The following HDAC2 variants were observed in gnomAD, a reference collection of about 807,000 sequenced individuals.
The protein encoded by HDAC2 is histone deacetylase 2.
Under a neutral mutation model 68.5 loss-of-function variants are expected in HDAC2, and 5 were observed. The ratio of observed to expected loss-of-function variants is 0.07; its 90% confidence interval spans 0.04 to 0.15. The LOEUF is 0.15. HDAC2 is among the 10% of genes least tolerant of loss of function. The pLI is 1.00. For synonymous variants in HDAC2, 182 were observed against 191.3 expected (o/e 0.95, Z 0.40); for missense variants, 291 against 600.8 (o/e 0.48, Z 5.39).
rs534349845 is a variant in HDAC2, at chr6:113,944,700, C to G, written c.1092-290G>C. On this transcript the variant is annotated intron_variant, in intron 10 of 13. Transcript: ENST00000519065. ...TTGCAGACAAGGTCTCACTATATGG[C>G]CCAGGCTGGTCACAAACTACTGGTC... is the stretch of plus-strand genomic sequence containing the variant. 7.3e-4 allele frequency among the ~76,000 whole-genome samples: 111 copies of G among 152,188 alleles called. 1 individual carries two copies. Among genetic ancestry groups the G allele is most frequent in the Middle Eastern group, 6.8e-3 (2 of 294 alleles).
At position 113,937,873 on chromosome 6, in the gene HDAC2, T is replaced by A. The variant is rs1233322059; in HGVS notation, c.*3185A>T. 6.6e-6 allele frequency: 1 copy of A among 152,120 alleles called. No homozygotes were observed. Among genetic ancestry groups the A allele is most frequent in the Non-Finnish European group, 1.5e-5 (1 of 68,066 alleles). 9.4% of individuals were successfully genotyped at this position (152,120 alleles called of 1,614,324 possible). The stretch of plus-strand genomic sequence containing the variant: ...TAAAAAAAAGAGATAAACAGCCAGG[T>A]GCGGCAGCTCACACCTGTAATCCCA... On this transcript the variant is annotated 3_prime_UTR_variant, in exon 14 of 14. Coordinates refer to ENST00000519065, the MANE Select transcript of HDAC2 (RefSeq NM_001527.4).
At chr6:113,947,457 T>C (rs1776289718) in intron 8 of HDAC2, 1 of 152,192 alleles carries the variant, frequency 6.6e-6, no homozygotes, top group South Asian at 2.1e-4. Context: ...CAAATATCCT[T>C]ACACGCTTTA....
At chr6:113,965,688 C>A (rs1933387372) in intron 1 of HDAC2, among the ~76,000 whole-genome samples, 1 of 152,102 alleles carries the variant, frequency 6.6e-6, no homozygotes, top group Non-Finnish European at 1.5e-5. Flanking sequence ...TTACTTTATA[C>A]CTGCAGTCTT....
Position 113,940,361 on chromosome 6 carries a change from C to T in HDAC2, c.*697G>A, listed in dbSNP as rs1285066174. On this transcript the variant is annotated 3_prime_UTR_variant, in exon 14 of 14. Transcript: ENST00000519065. ...TAGGCAAGTCTGGTCAATACAAGTT[C>T]TGGTCAGTTTCTTCTTTCAATTCAG... 2 of 152,160 alleles carry T rather than the reference C, an allele frequency of 1.3e-5. No individual in the cohort carries two copies. The highest frequency in any genetic ancestry group is 4.8e-5 in the African/African-American group (2 of 41,442). 9.4% of individuals were successfully genotyped at this position (152,160 alleles called of 1,614,324 possible).
At position 113,938,610 on chromosome 6, in the gene HDAC2, C is replaced by T. The variant is rs1316912588; in HGVS notation, c.*2448G>A. The T allele has an allele frequency of 6.6e-6, 1 of 152,142 alleles. No homozygotes were observed. Among genetic ancestry groups the T allele is most frequent in the African/African-American group, 2.4e-5 (1 of 41,456 alleles). 9.4% of individuals were successfully genotyped at this position (152,142 alleles called of 1,614,324 possible). A position where few individuals can be genotyped will look rare whatever the true frequency, so the allele number is the denominator to read the frequency against. On this transcript the variant is annotated 3_prime_UTR_variant, in exon 14 of 14. Transcript: ENST00000519065. ...CCAGTTGTTGTCCCAATTCCACTTA[C>T]AAAATAATGTCTTTCCTTGCCAATT...
In HDAC2 at chr6:113,967,783, G is replaced by A. The variant is rs181649977; in HGVS notation, c.52+3074C>T. ...TCACATCGTTTTAAGGCCCAGAAGG[G>A]ATCTTAGTGACTATCTAATTAGCTG... On this transcript the variant is annotated intron_variant, in intron 1 of 13. Transcript: ENST00000519065. Among the ~76,000 whole-genome samples, 478 of 152,262 alleles carry A rather than the reference G, an allele frequency of 3.1e-3. 1 individual carries two copies. Among genetic ancestry groups the A allele is most frequent in the Admixed American group, 5.7e-3 (87 of 15,286 alleles).
At chr6:113,942,596 T>C (rs927185036) in intron 12 of HDAC2, among the ~76,000 whole-genome samples, 3 of 152,102 alleles carry the variant, frequency 2.0e-5, no homozygotes, top group Non-Finnish European at 2.9e-5. Context: ...AGGAAATGCA[T>C]CAAGTGCTGA....
intron 3 of HDAC2, among the ~76,000 whole-genome samples, chr6:113,957,487 T>TC (rs955621048): frequency 6.7e-6 from 1 of 148,566 alleles, no homozygotes; most frequent in Non-Finnish European, 1.5e-5. Context: ...ATCATAATCT[T>TC]TTTTTTTTTT....
At chr6:113,953,103 T>C (rs1467388426) in intron 6 of HDAC2, among the ~76,000 whole-genome samples, 174 bp downstream of exon 6, 1 of 152,228 alleles carries the variant, frequency 6.6e-6, no homozygotes, top group Non-Finnish European at 1.5e-5. Context: ...CACTAAATTT[T>C]TGCTTATAGT....
At chr6:113,952,489 G>A (rs1333695696) in intron 6 of HDAC2, among the ~76,000 whole-genome samples, 2 of 152,184 alleles carry the variant, frequency 1.3e-5, no homozygotes, top group East Asian at 3.8e-4. Context: ...AAACTGTAAT[G>A]ATATACCACA....
At chr6:113,954,406 T>C (rs1776497244) in intron 5 of HDAC2, among the ~76,000 whole-genome samples, 1 of 151,850 alleles carries the variant, frequency 6.6e-6, no homozygotes, top group Admixed American at 6.6e-5. Flanking sequence ...AAAACAGAAA[T>C]GAGGCTGTGA....
chr6:113,961,963 C>G (rs892599497), intron 1 of HDAC2, among the ~76,000 whole-genome samples: 1 of 152,050 alleles, frequency 6.6e-6, no homozygotes, highest in African/African-American at 2.4e-5. Context: ...TGAAATGTCT[C>G]TAACATCTAC....
intron 1 of HDAC2, 109 bp from the exon 2 acceptor site, chr6:113,960,127 TATTTAA>T: frequency 2.9e-6 from 2 of 681,150 alleles, no homozygotes; most frequent in Non-Finnish European, 5.3e-6. Flanking sequence ...TAACAAAATT[TATTTAA>T]AACCTTAGCA....
rs1489019676 is a variant in HDAC2 at position 113,956,623 on chromosome 6, T to A, written c.354A>T (p.Ser118=). The A allele has an allele frequency of 2.1e-5, 34 of 1,610,196 alleles. No homozygotes were observed. The highest frequency in any genetic ancestry group is 2.9e-5 in the Non-Finnish European group (34 of 1,176,498). ...FEFCQLSTGG[S]VAGAVKLNRQ... Reference sequence around the variant, plus strand: ...TCTGATTGCATTAGCACTTACCAACTGAACCGCCAGTTGAGAGCTGACAAA... The same window carrying A: ...TCTGATTGCATTAGCACTTACCAACAGAACCGCCAGTTGAGAGCTGACAAA... Residue 118 remains serine, a synonymous_variant, in exon 4 of 14, where the codon TCA becomes TCT. Coordinates refer to ENST00000519065, the MANE Select transcript of HDAC2 (RefSeq NM_001527.4).
At chr6:113,960,462 GT>G (rs1308101691) in intron 1 of HDAC2, among the ~76,000 whole-genome samples, 16 of 151,984 alleles carry the variant, frequency 1.1e-4, no homozygotes, top group African/African-American at 3.9e-4. Flanking sequence ...CGTTTTGCAT[GT>G]TAAAACATAC....
chr6:113,943,716 CATA>C (rs1250009206), intron 11 of HDAC2, among the ~76,000 whole-genome samples: 2 of 152,010 alleles, frequency 1.3e-5, no homozygotes, highest in Non-Finnish European at 2.9e-5. Context: ...CTCAAAAACA[CATA>C]ATAAAAATTG....
chr6:113,963,907 CT>C (rs1776750303), intron 1 of HDAC2, among the ~76,000 whole-genome samples: 1 of 152,182 alleles, frequency 6.6e-6, no homozygotes, highest in Non-Finnish European at 1.5e-5. Flanking sequence ...GAAGTGTCTA[CT>C]AAGGTCCACA....
chr6:113,945,871 T>TA, intron 9 of HDAC2, 137 bp downstream of exon 9: 1 of 714,622 alleles, frequency 1.4e-6, no homozygotes, highest in Admixed American at 2.5e-5. Flanking sequence ...TTTGGTAGGT[T>TA]AAGTGTATTA....
chr6:113,970,511 G>A (rs1191036300), intron 1 of HDAC2: 31 of 1,174,132 alleles, frequency 2.6e-5, no homozygotes, highest in Middle Eastern at 3.4e-4. Flanking sequence ...GCGGGAGAAG[G>A]GAGAGAATGG....
Sources: gnomAD v4.1 joint callset for allele counts (sites outside exome capture counted in the v4.1 genomes callset) on GRCh38, gnomAD v4.1.1 for gene constraint, MANE v1.5 for transcripts, NCBI Gene and HGNC (gene_info 2026-07-23, HGNC 2026-07-21) for gene names.